The following CALCOCO2 variants were observed in gnomAD, a reference collection of about 807,000 sequenced individuals.
CALCOCO2 encodes calcium binding and coiled-coil domain 2, also known as calcium-binding and coiled-coil domain-containing protein 2.
In CALCOCO2, 42 loss-of-function variants were observed where a neutral mutation model predicts 62.5. The ratio of observed to expected loss-of-function variants is 0.67; its 90% confidence interval spans 0.53 to 0.87. CALCOCO2 has a LOEUF of 0.87. Ranked by LOEUF, CALCOCO2 falls within the 40% of genes least tolerant of loss-of-function variation. The pLI is 0.00. For missense variants in CALCOCO2, 456 were observed against 515.0 expected (o/e 0.89, Z 1.11); for synonymous variants, 167 against 173.0 (o/e 0.97, Z 0.27).
At chr17:48,849,751 G>A (rs561351749) in intron 5 of CALCOCO2, among the ~76,000 whole-genome samples, 15 of 151,934 alleles carry the variant, frequency 9.9e-5, no homozygotes, top group South Asian at 2.1e-4. Flanking sequence ...TGATCCACTC[G>A]CCTGAGCTTC....
In CALCOCO2 at chr17:48,863,153, C is replaced by T; in HGVS notation, c.*148C>T. On this transcript the variant is annotated 3_prime_UTR_variant, in exon 13 of 13. Coordinates refer to ENST00000258947, the MANE Select transcript of CALCOCO2 (RefSeq NM_005831.5). ...TGCCGCTAACAGTGGAGTTATGTCA[C>T]TGATCTGAAGGTCACTGTTAAGGGC... is the stretch of plus-strand genomic sequence containing the variant. The T allele has an allele frequency of 1.5e-6, 1 of 655,238 alleles. No individual in the cohort carries two copies. Among genetic ancestry groups the T allele is most frequent in the Non-Finnish European group, 2.7e-6 (1 of 368,140 alleles). The allele number at this position is 655,238 out of a possible 1,614,324, so 40.6% of individuals were successfully genotyped here. A position where few individuals can be genotyped will look rare whatever the true frequency, so the allele number is the denominator to read the frequency against.
chr17:48,840,463 G>C (rs1160297395), intron 1 of CALCOCO2, among the ~76,000 whole-genome samples: 1 of 152,150 alleles, frequency 6.6e-6, no homozygotes, highest in Non-Finnish European at 1.5e-5. Context: ...CATTTTATCT[G>C]TACTATAACC....
intron 10 of CALCOCO2, 40 bp from the exon 11 acceptor site, chr17:48,860,274 G>A: frequency 6.9e-6 from 11 of 1,588,912 alleles, no homozygotes; most frequent in Admixed American, 1.7e-5. Context: ...GCCATTCTTG[G>A]TATTGTCTTT....
chr17:48,858,672 G>A lies in CALCOCO2; in HGVS notation c.1009-1642G>A, dbSNP rs190231898. Among the ~76,000 whole-genome samples the A allele has an allele frequency of 7.3e-5, 11 of 151,432 alleles. No homozygotes were observed. In the East Asian group the frequency reaches 2.1e-3, roughly 29 times the overall value. The stretch of plus-strand genomic sequence containing the variant: ...TTTATACCTTGAGTTTGAAATCCCT[G>A]TTTTCCTGAGTTAGTTTGATTGTGG... On this transcript the variant is annotated intron_variant, in intron 10 of 12. Transcript: ENST00000258947.
chr17:48,857,354 C>A (rs974205167), intron 10 of CALCOCO2, among the ~76,000 whole-genome samples: 1 of 151,750 alleles, frequency 6.6e-6, no homozygotes, highest in African/African-American at 2.4e-5. Context: ...ATTGCCACCA[C>A]GCCTGGCTAG....
Position 48,851,131 on chromosome 17 carries a change from C to T in CALCOCO2, c.586C>T (p.Leu196=), listed in dbSNP as rs1325507603. 6.2e-7 allele frequency: 1 copy of T among 1,611,310 alleles called. No homozygotes were observed. The highest frequency in any genetic ancestry group is 8.5e-7 in the Non-Finnish European group (1 of 1,177,718). The change falls in exon 6 of 13, where the codon CTG becomes TTG. Residue 196 remains leucine (L), a synonymous_variant. Coordinates refer to ENST00000258947, the MANE Select transcript of CALCOCO2 (RefSeq NM_005831.5). Reference sequence around the variant, plus strand: ...ACAGAGCATCAATAAGAAGTTGGAACTGAAAGTGAAAGAACAGAAGGACTA... The same window carrying T: ...ACAGAGCATCAATAAGAAGTTGGAATTGAAAGTGAAAGAACAGAAGGACTA... ...TLQSINKKLE[L]KVKEQKDYWE...
intron 4 of CALCOCO2, 174 bp downstream of exon 4, chr17:48,848,629 TCATAA>T: frequency 1.5e-6 from 1 of 663,926 alleles, no homozygotes; most frequent in Non-Finnish European, 2.7e-6. Flanking sequence ...TTAACAAGAC[TCATAA>T]CAATAAGTGG....
intron 2 of CALCOCO2, among the ~76,000 whole-genome samples, chr17:48,843,234 A>ACTCT (rs2039999661): frequency 6.6e-6 from 1 of 151,918 alleles, no homozygotes; most frequent in East Asian, 1.9e-4. Flanking sequence ...TAATTAGCTT[A>ACTCT]CTCTCTATGT....
At chr17:48,836,867 A>G (rs1291599426) in intron 1 of CALCOCO2, among the ~76,000 whole-genome samples, 5 of 149,264 alleles carry the variant, frequency 3.3e-5, no homozygotes, top group Non-Finnish European at 5.9e-5. Context: ...GGTTCAAGCT[A>G]TTCTGCCTCA....
intron 10 of CALCOCO2, among the ~76,000 whole-genome samples, chr17:48,859,045 C>CAAAAAAAAAAAAA (rs61643790): frequency 2.8e-5 from 1 of 35,624 alleles, no homozygotes; most frequent in Non-Finnish European, 4.7e-5. Context: ...GACTCTGTCT[C>CAAAAAAAAAAAAA]AAAAAAAAAA....
At chr17:48,854,940 G>C (rs2040191759) in intron 9 of CALCOCO2, among the ~76,000 whole-genome samples, 1 of 152,144 alleles carries the variant, frequency 6.6e-6, no homozygotes, top group Admixed American at 6.5e-5. Context: ...TCTTAGAGAA[G>C]TACAAAGAGT....
In CALCOCO2 at chr17:48,857,990, A is replaced by AATAGGATAGG. The variant is rs1567759044; in HGVS notation, c.1008+1807_1008+1808insGATAGGATAG. Among the ~76,000 whole-genome samples, 4 of 18,878 alleles carry AATAGGATAGG rather than the reference A, an allele frequency of 2.1e-4. 1 individual carries two copies. The highest frequency in any genetic ancestry group is 1.9e-3 in the Admixed American group (3 of 1,618). The allele number at this position is 18,878 out of a possible 152,430, so 12.4% of individuals were successfully genotyped here. A position where few individuals can be genotyped will look rare whatever the true frequency, so the allele number is the denominator to read the frequency against. On this transcript the variant is annotated intron_variant, in intron 10 of 12. Transcript: ENST00000258947. ...AGACTACATCAATAGAATAGAATAG[A>AATAGGATAGG]ATAGAATAGAATAGAATAGAATAGA...
At chr17:48,841,452 G>A (rs1411082005) in intron 1 of CALCOCO2, 1 of 357,924 alleles carries the variant, frequency 2.8e-6, no homozygotes, top group African/African-American at 2.1e-5. Context: ...CTCTGTTCAT[G>A]TGAGGGTTGT....
chr17:48,854,378 T>TTTTATA (rs1489635512), intron 9 of CALCOCO2, among the ~76,000 whole-genome samples: 5 of 12,158 alleles, frequency 4.1e-4, no homozygotes, highest in South Asian at 5.1e-3. Context: ...TGGTTTTCTT[T>TTTTATA]TATTTATATA....
chr17:48,854,126 A>G (rs1160754470), intron 9 of CALCOCO2, among the ~76,000 whole-genome samples: 1 of 151,112 alleles, frequency 6.6e-6, no homozygotes, highest in Non-Finnish European at 1.5e-5. Flanking sequence ...GACCAGCCTG[A>G]CCAAAATGGA....
At chr17:48,861,984 G>A (rs1465052340) in intron 11 of CALCOCO2, among the ~76,000 whole-genome samples, 1 of 150,502 alleles carries the variant, frequency 6.6e-6, no homozygotes, top group Non-Finnish European at 1.5e-5. Flanking sequence ...AGGAGACAGA[G>A]GCTGCAGTGA....
intron 9 of CALCOCO2, among the ~76,000 whole-genome samples, chr17:48,855,557 G>A (rs1012464005): frequency 3.9e-5 from 6 of 152,116 alleles, no homozygotes; most frequent in African/African-American, 1.4e-4. Context: ...CATCACACTG[G>A]GTTGCTTATG....
intron 8 of CALCOCO2, 110 bp downstream of exon 8, chr17:48,852,738 T>G (rs2040152809): frequency 1.7e-6 from 2 of 1,145,464 alleles, no homozygotes; most frequent in Non-Finnish European, 2.5e-6. Flanking sequence ...TGTCACTGGC[T>G]TTAGGAAAGG....
In CALCOCO2 at chr17:48,848,113, T is replaced by G. The variant is rs2040077173; in HGVS notation, c.230T>G (p.Leu77Trp). The change falls in exon 3 of 13, where the codon TTG becomes TGG. Residue 77 changes from leucine (L) to tryptophan (W), a missense_variant. Transcript: ENST00000258947. ...TATTACACCTTCATGTGGGTTACTT[T>G]GCCCATTGACCTAAACAACAAATCA... ...REYYTFMWVT[L>W]PIDLNNKSAK... 4 of 1,613,764 alleles carry G rather than the reference T, an allele frequency of 2.5e-6. No individual in the cohort carries two copies. The highest frequency in any genetic ancestry group is 3.4e-6 in the Non-Finnish European group (4 of 1,179,686).
Sources: allele counts gnomAD v4.1 joint callset (sites outside exome capture counted in the v4.1 genomes callset), GRCh38; gene constraint gnomAD v4.1.1; transcripts MANE v1.5; gene names NCBI Gene and HGNC (gene_info 2026-07-23, HGNC 2026-07-21).